NOP9: variants seen among roughly 807,000 people sequenced by gnomAD.
The protein encoded by NOP9 is nucleolar protein 9.
NOP9 carries 50 observed loss-of-function variants against 63.0 expected under a neutral mutation model. The ratio of observed to expected loss-of-function variants is 0.79; its 90% CI spans 0.63 to 1.00. NOP9 has a LOEUF of 1.00. Ranked by LOEUF, NOP9 falls within the 50% of genes least tolerant of loss-of-function variation. The pLI is 0.00. For synonymous variants in NOP9, 343 were observed against 332.8 expected (o/e 1.03, Z -0.33); for missense variants, 758 against 803.0 (o/e 0.94, Z 0.68).
At chr14:24,291,549 A>T in the NOP9 span, 2 of 1,613,962 alleles carry the variant, frequency 1.2e-6, no homozygotes, top group African/African-American at 2.7e-5. Context: ...CTGCCCCCAA[A>T]CTTCACCTGT....
At chr14:24,292,688 A>C in the NOP9 span, 1 of 1,614,206 alleles carries the variant, frequency 6.2e-7, no homozygotes, top group Admixed American at 1.7e-5. Flanking sequence ...CATTGAACAT[A>C]TACTGCAGGC....
chr14:24,306,595 C>T lies in NOP9; in HGVS notation c.*1500C>T. 2 of 1,592,222 alleles carry T rather than the reference C, an allele frequency of 1.3e-6. No individual in the cohort carries two copies. Among genetic ancestry groups the T allele is most frequent in the Non-Finnish European group, 1.7e-6 (2 of 1,161,696 alleles). On this transcript the variant is annotated 3_prime_UTR_variant, in exon 10 of 10. Transcript: ENST00000267425. The stretch of plus-strand genomic sequence containing the variant: ...CTTCCCTCTTTAGCTGCCCAACATC[C>T]ATCAGTTGGCTCTAGACATTGGTCG...
the NOP9 span, among the ~76,000 whole-genome samples, chr14:24,273,160 G>A: frequency 6.6e-6 from 1 of 151,758 alleles, no homozygotes; most frequent in African/African-American, 2.4e-5. Context: ...ACCTGGGTAA[G>A]AAGGTAGTGC....
In NOP9 at chr14:24,305,305, T is replaced by C. The variant is rs186088581; in HGVS notation, c.*210T>C. 183 of 580,512 alleles carry C rather than the reference T, an allele frequency of 3.2e-4. 2 individuals carry two copies. The highest frequency in any genetic ancestry group is 2.9e-3 in the African/African-American group (151 of 52,664). The allele number at this position is 580,512 out of a possible 1,614,324, so 36.0% of individuals were successfully genotyped here. A position where few individuals can be genotyped will look rare whatever the true frequency, so the allele number is the denominator to read the frequency against. ...GCTGTCATCAGTATGCTGGGGAGTT[T>C]AGGGACAGGAGGCATTGGTAGGGGA... On this transcript the variant is annotated 3_prime_UTR_variant, in exon 10 of 10. Transcript: ENST00000267425.
chr14:24,294,197 C>A, the NOP9 span: 1 of 152,116 alleles, frequency 6.6e-6, no homozygotes, highest in Non-Finnish European at 1.5e-5. Flanking sequence ...CACACCAAGA[C>A]AGAAACTATA....
rs1350803122 is a variant in NOP9, at chr14:24,303,221, G to A, written c.1284+7G>A. 4 of 1,613,792 alleles carry A rather than the reference G, an allele frequency of 2.5e-6. No homozygotes were observed. Among genetic ancestry groups the A allele is most frequent in the African/African-American group, 2.7e-5 (2 of 74,862 alleles). ...CCTACAGCTCTTGTTGGAGGTGAGT[G>A]GATATTACCCACAATCTGTTTATGC... On this transcript the variant is annotated splice_region_variant and intron_variant, in intron 6 of 9. Transcript: ENST00000267425.
rs759251111 is a variant in NOP9 at position 24,307,838 on chromosome 14, C to G, written c.*2743C>G. 1 of 1,595,608 alleles carries G rather than the reference C, an allele frequency of 6.3e-7. No individual in the cohort carries two copies. The highest frequency in any genetic ancestry group is 8.5e-7 in the Non-Finnish European group (1 of 1,170,778). ...GTCACCTGAGTAAGTCACTGGGGTTCAGAGCTGAGAGGTACTCCATGGTGG... is the reference window on the plus strand; with the variant it reads ...GTCACCTGAGTAAGTCACTGGGGTTGAGAGCTGAGAGGTACTCCATGGTGG... On this transcript the variant is annotated 3_prime_UTR_variant, in exon 10 of 10. Transcript: ENST00000267425.
At chr14:24,303,476 G>A (rs995198561) in intron 6 of NOP9, among the ~76,000 whole-genome samples, 4 of 151,890 alleles carry the variant, frequency 2.6e-5, no homozygotes, top group African/African-American at 7.3e-5. Context: ...GCCCGGCTGA[G>A]GCCAAATGTT....
the NOP9 span, among the ~76,000 whole-genome samples, chr14:24,286,439 T>C: frequency 1.3e-5 from 2 of 152,158 alleles, no homozygotes; most frequent in Non-Finnish European, 2.9e-5. Context: ...ACTTCCAAAA[T>C]TCAAATCTGA....
chr14:24,308,957 ACTGGCC>A lies in NOP9; in HGVS notation c.*3872_*3877del, dbSNP rs1365295621. 1 of 152,234 alleles carries A rather than the reference ACTGGCC, an allele frequency of 6.6e-6. No homozygotes were observed. Among genetic ancestry groups the A allele is most frequent in the Non-Finnish European group, 1.5e-5 (1 of 68,058 alleles). The allele number at this position is 152,234 out of a possible 1,614,324, so 9.4% of individuals were successfully genotyped here. On this transcript the variant is annotated 3_prime_UTR_variant, in exon 10 of 10. Coordinates refer to ENST00000267425, the MANE Select transcript of NOP9 (RefSeq NM_174913.3). ...GTTGTTGCCCAAAACACTGAAAAAA[ACTGGCC>A]CTGGCCCTGAACCAAATACCTTGAA...
chr14:24,272,156 C>G, the NOP9 span, among the ~76,000 whole-genome samples: 2 of 152,230 alleles, frequency 1.3e-5, no homozygotes, highest in South Asian at 2.1e-4. Flanking sequence ...GCCCACAAAT[C>G]TGGCATTACA....
Position 24,306,162 on chromosome 14 carries a change from G to T in NOP9, c.*1067G>T, listed in dbSNP as rs1348128751. On this transcript the variant is annotated 3_prime_UTR_variant, in exon 10 of 10. Coordinates refer to ENST00000267425, the MANE Select transcript of NOP9 (RefSeq NM_174913.3). ...TCTGTAGGACACCCTTGTCAGTGCA[G>T]TAGATCCTCATACCAGACACCCACC... The T allele has an allele frequency of 1.9e-6, 3 of 1,605,344 alleles. No individual in the cohort carries two copies. In the African/African-American group the frequency reaches 4.0e-5, roughly 21 times the overall value.
At chr14:24,299,700 AC>A, upstream of NOP9, 1 of 460,250 alleles carries the variant, frequency 2.2e-6, no homozygotes, top group South Asian at 4.3e-5. Context: ...CTGTAGTAGG[AC>A]CCGGGGCGAT....
At chr14:24,275,321 C>T in the NOP9 span, among the ~76,000 whole-genome samples, 1 of 152,184 alleles carries the variant, frequency 6.6e-6, no homozygotes, top group Non-Finnish European at 1.5e-5. Context: ...TTATTTACTG[C>T]ACTCACTACC....
intron 5 of NOP9, among the ~76,000 whole-genome samples, 168 bp downstream of exon 5, chr14:24,302,592 G>T (rs1412344406): frequency 6.6e-6 from 1 of 152,224 alleles, no homozygotes; most frequent in Admixed American, 6.5e-5. Flanking sequence ...CCACCTTCTA[G>T]TGAGGATTTG....
chr14:24,295,146 C>A (rs555070061), upstream of NOP9, among the ~76,000 whole-genome samples: 4 of 152,248 alleles, frequency 2.6e-5, no homozygotes, highest in African/African-American at 4.8e-5. Flanking sequence ...AATGATCATA[C>A]ATCCTCCCAA....
At chr14:24,296,694 GGGA>G, upstream of NOP9, 1 of 1,614,048 alleles carries the variant, frequency 6.2e-7, no homozygotes, top group Non-Finnish European at 8.5e-7. Flanking sequence ...GGGTCTGAGG[GGGA>G]GGTCAGAAAT....
At chr14:24,274,445 C>G in the NOP9 span, among the ~76,000 whole-genome samples, 1 of 152,048 alleles carries the variant, frequency 6.6e-6, no homozygotes, top group African/African-American at 2.4e-5. Context: ...GCCAAACTAA[C>G]TTAGCTGGCT....
upstream of NOP9, chr14:24,299,052 T>C (rs1337280701): frequency 9.9e-6 from 16 of 1,613,968 alleles, no homozygotes; most frequent in Non-Finnish European, 1.2e-5. Flanking sequence ...CCACGGCCAA[T>C]ACCCCTGGAG....
Sources: gnomAD v4.1 joint callset for allele counts (sites outside exome capture counted in the v4.1 genomes callset) on GRCh38, gnomAD v4.1.1 for gene constraint, MANE v1.5 for transcripts, NCBI Gene and HGNC (gene_info 2026-07-23, HGNC 2026-07-21) for gene names.